TASP1: variants seen among roughly 807,000 people sequenced by gnomAD.
TASP1 encodes threonine aspartase 1.
A neutral mutation model predicts 56.6 loss-of-function variants in TASP1; 16 were observed. That is an observed-to-expected ratio of 0.28 (90% CI 0.19 to 0.43). The LOEUF (loss-of-function observed/expected upper bound fraction) is 0.43, where lower values mean the gene tolerates loss of function less well. TASP1 is among the 20% of genes least tolerant of loss of function. The pLI, the probability that TASP1 is intolerant of heterozygous loss-of-function variation, is 1.00. For synonymous variants in TASP1, 179 were observed against 184.2 expected (o/e 0.97, Z 0.23); for missense variants, 393 against 511.6 (o/e 0.77, Z 2.24).
chr20:13,378,810 C>T, the TASP1 span, among the ~76,000 whole-genome samples: 3 of 152,070 alleles, frequency 2.0e-5, no homozygotes, highest in Non-Finnish European at 4.4e-5. Flanking sequence ...TTGCATTGAT[C>T]CCTTTACCAT....
intron 13 of TASP1, among the ~76,000 whole-genome samples, chr20:13,395,507 C>T (rs2041494568): frequency 6.6e-6 from 1 of 152,102 alleles, no homozygotes; most frequent in South Asian, 2.1e-4. Flanking sequence ...ATCTGGAATA[C>T]TGTGTATAGT....
chr20:13,181,989 G>A, the TASP1 span, among the ~76,000 whole-genome samples: 6 of 152,184 alleles, frequency 3.9e-5, no homozygotes, highest in Non-Finnish European at 5.9e-5. Context: ...AGGCTGTAGT[G>A]GGAATTGTGG....
the TASP1 span, among the ~76,000 whole-genome samples, chr20:13,172,519 A>G: frequency 1.3e-5 from 2 of 151,948 alleles, no homozygotes; most frequent in Non-Finnish European, 2.9e-5. Context: ...ATTTCTTTTC[A>G]TATATATATA....
the TASP1 span, among the ~76,000 whole-genome samples, chr20:13,310,431 G>A: frequency 6.6e-6 from 1 of 152,000 alleles, no homozygotes; most frequent in Admixed American, 6.6e-5. Flanking sequence ...AACTCAAAAT[G>A]GATTAAAGAC....
intron 6 of TASP1, among the ~76,000 whole-genome samples, chr20:13,579,995 C>G (rs1426076721): frequency 6.6e-6 from 1 of 152,194 alleles, no homozygotes; most frequent in Non-Finnish European, 1.5e-5. Context: ...ACCTCCACAA[C>G]CAGGCATGCT....
At position 13,494,754 on chromosome 20, in the gene TASP1, G is replaced by A. The variant is rs979922445; in HGVS notation, c.875-11417C>T. On this transcript the variant is annotated intron_variant, in intron 10 of 13. Coordinates refer to ENST00000337743, the MANE Select transcript of TASP1 (RefSeq NM_017714.3). Reference sequence around the variant, plus strand: ...AAAATCCAAAGCCCCAAAAATCTGAGAATATGGACAAGATCATAGTAATAA... The same window carrying A: ...AAAATCCAAAGCCCCAAAAATCTGAAAATATGGACAAGATCATAGTAATAA... Among the ~76,000 whole-genome samples the A allele has an allele frequency of 1.2e-4, 19 of 152,102 alleles. No homozygotes were observed. In the East Asian group the frequency reaches 3.7e-3, roughly 29 times the overall value.
At chr20:13,268,331 C>CT in the TASP1 span, among the ~76,000 whole-genome samples, 1 of 147,252 alleles carries the variant, frequency 6.8e-6, no homozygotes, top group African/African-American at 2.5e-5. Context: ...TTCTCTTTCT[C>CT]CTTCTCCTTC....
Position 13,528,470 on chromosome 20 carries a change from T to G in TASP1, c.837A>C (p.Gly279=), listed in dbSNP as rs751288702. ...CAGCTGTGGAGTAGGGGTTATGAGC[T>G]CCAGTATTTTCAGCCCAGCAGCCAC... ...YGCGCWAENT[G]AHNPYSTAVS... The change falls in exon 10 of 14, where the codon GGA becomes GGC. Residue 279 remains glycine (G), a synonymous_variant. Transcript: ENST00000337743. 6.2e-6 allele frequency: 10 copies of G among 1,610,660 alleles called. No homozygotes were observed. The highest frequency in any genetic ancestry group is 7.6e-6 in the Non-Finnish European group (9 of 1,178,168).
the TASP1 span, among the ~76,000 whole-genome samples, chr20:13,339,835 C>A: frequency 1.3e-5 from 2 of 152,000 alleles, no homozygotes; most frequent in African/African-American, 2.4e-5. Context: ...AGTCCCAGCT[C>A]ACGCTCAATA....
At chr20:13,633,003 G>C (rs531956349) in intron 1 of TASP1, among the ~76,000 whole-genome samples, 1 of 152,228 alleles carries the variant, frequency 6.6e-6, no homozygotes, top group Admixed American at 6.5e-5. Flanking sequence ...AACATATTTT[G>C]AGAGTACAGA....
intron 10 of TASP1, among the ~76,000 whole-genome samples, chr20:13,496,347 G>A (rs1474791754): frequency 8.5e-5 from 13 of 152,126 alleles, no homozygotes; most frequent in African/African-American, 2.4e-5. Flanking sequence ...GAGCCACTGC[G>A]CCCGGTCTGA....
At position 13,636,502 on chromosome 20, in the gene TASP1, C is replaced by T. The variant is rs1013104462; in HGVS notation, c.-75+2392G>A. Among the ~76,000 whole-genome samples the T allele has an allele frequency of 8.6e-5, 13 of 151,944 alleles. 1 individual carries two copies. The East Asian group carries it at 2.3e-3, about 27-fold the overall frequency. On this transcript the variant is annotated intron_variant, in intron 1 of 13. Transcript: ENST00000337743. ...ACATCGTGATATTGAAGGTTTAATG[C>T]CTCATTAAATGAACTCCAGGACATA...
At chr20:13,638,528 G>C (rs374832106) in intron 1 of TASP1, among the ~76,000 whole-genome samples, 17 of 152,280 alleles carry the variant, frequency 1.1e-4, no homozygotes, top group African/African-American at 3.8e-4. Flanking sequence ...CCCAGGACAA[G>C]GCGCACATTC....
chr20:13,437,536 G>C (rs1248233980), intron 11 of TASP1, among the ~76,000 whole-genome samples: 2 of 152,144 alleles, frequency 1.3e-5, no homozygotes, highest in Non-Finnish European at 2.9e-5. Context: ...AGGAAATAAA[G>C]GGTATTCAAT....
At chr20:13,372,372 G>C in the TASP1 span, among the ~76,000 whole-genome samples, 1 of 152,078 alleles carries the variant, frequency 6.6e-6, no homozygotes, top group South Asian at 2.1e-4. Flanking sequence ...TCTGTCTGCT[G>C]ATCTTCAGAC....
At chr20:13,326,248 G>A in the TASP1 span, among the ~76,000 whole-genome samples, 1 of 152,110 alleles carries the variant, frequency 6.6e-6, no homozygotes, top group South Asian at 2.1e-4. Context: ...TAAGTTTTGG[G>A]AAATTATGAA....
chr20:13,467,616 C>T (rs916555793), intron 11 of TASP1, among the ~76,000 whole-genome samples: 2 of 151,886 alleles, frequency 1.3e-5, no homozygotes, highest in Admixed American at 1.3e-4. Context: ...CTAAATATTA[C>T]AGAATATAAG....
Position 13,604,522 on chromosome 20 carries a change from T to C in TASP1, c.283-17152A>G, listed in dbSNP as rs1568639628. Among the ~76,000 whole-genome samples, 4 of 152,312 alleles carry C rather than the reference T, an allele frequency of 2.6e-5. No individual in the cohort carries two copies. In the South Asian group the frequency reaches 8.3e-4, roughly 32 times the overall value. On this transcript the variant is annotated intron_variant, in intron 4 of 13. Transcript: ENST00000337743. ...ATAGCCTGCAGAGCCAAGAGCCAAA[T>C]AAACCTCTTTTCTTTATAAATTATC...
the TASP1 span, among the ~76,000 whole-genome samples, chr20:13,378,389 T>G: frequency 1.8e-4 from 28 of 152,192 alleles, no homozygotes; most frequent in Non-Finnish European, 4.4e-5. Context: ...CAGTTTTGAG[T>G]GAGTTTCTTA....
Sources: gnomAD v4.1 joint callset for allele counts (sites outside exome capture counted in the v4.1 genomes callset) on GRCh38, gnomAD v4.1.1 for gene constraint, MANE v1.5 for transcripts, NCBI Gene and HGNC (gene_info 2026-07-23, HGNC 2026-07-21) for gene names.